The following DNM1L variants were observed in gnomAD, a reference collection of about 807,000 sequenced individuals.
DNM1L encodes dynamin-1-like protein.
In DNM1L, 33 loss-of-function variants were observed where a neutral mutation model predicts 92.8. That is an observed-to-expected ratio of 0.36 (90% CI 0.27 to 0.48). DNM1L has a LOEUF of 0.48. Ranked by LOEUF, DNM1L falls within the 20% of genes least tolerant of loss-of-function variation. DNM1L has a pLI of 0.99. For synonymous variants in DNM1L, 284 were observed against 305.0 expected, an observed-to-expected ratio of 0.93 and a Z score of 0.72; for missense variants, 485 against 888.8, an observed-to-expected ratio of 0.55 and a Z score of 5.78.
At position 32,733,792 on chromosome 12, in the gene DNM1L, G is replaced by C. The variant is rs768715602; in HGVS notation, c.1524G>C (p.Met508Ile). 5 of 1,613,584 alleles carry C rather than the reference G, an allele frequency of 3.1e-6. No individual in the cohort carries two copies. The Admixed American group carries it at 6.7e-5, about 22-fold the overall frequency. Residue 508 changes from methionine to isoleucine, a missense_variant, in exon 13 of 20, where the codon ATG becomes ATC. Met to Ile is a conservative substitution (Grantham distance 10, BLOSUM62 1). Coordinates refer to ENST00000549701, the MANE Select transcript of DNM1L (RefSeq NM_012062.5). ...HPDFADACGL[M>I]NNNIEEQRRN... ...ACTTTGCTGATGCTTGTGGGCTAAT[G>C]AACAATAATATAGAGGTAAATATAA...
intron 1 of DNM1L, among the ~76,000 whole-genome samples, chr12:32,700,885 AAC>A (rs1177177460): frequency 6.6e-6 from 1 of 152,212 alleles, no homozygotes; most frequent in Non-Finnish European, 1.5e-5. Flanking sequence ...GGAGTATCAA[AAC>A]AGGTGGGATA....
At chr12:32,693,578 G>A (rs755847282) in intron 1 of DNM1L, among the ~76,000 whole-genome samples, 37 of 148,344 alleles carry the variant, frequency 2.5e-4, no homozygotes, top group Admixed American at 3.3e-4. Flanking sequence ...TTTACAATGT[G>A]TAATTCAGTG....
At chr12:32,697,297 C>T (rs1211393497) in intron 1 of DNM1L, among the ~76,000 whole-genome samples, 1 of 152,100 alleles carries the variant, frequency 6.6e-6, no homozygotes, top group East Asian at 1.9e-4. Flanking sequence ...ATTAGCCCTT[C>T]CTGGGGAATC....
chr12:32,692,880 T>C (rs774523437), intron 1 of DNM1L: 3 of 152,156 alleles, frequency 2.0e-5, no homozygotes, highest in Non-Finnish European at 4.4e-5. Flanking sequence ...GAAATTTATT[T>C]ATATACACAC....
chr12:32,680,340 A>G (rs1473715887), intron 1 of DNM1L, among the ~76,000 whole-genome samples: 1 of 152,202 alleles, frequency 6.6e-6, no homozygotes, highest in Non-Finnish European at 1.5e-5. Flanking sequence ...AAATTAGTAT[A>G]TTGATATTAA....
At chr12:32,722,295 A>T in intron 8 of DNM1L, 132 bp from the exon 9 acceptor site, 1 of 764,326 alleles carries the variant, frequency 1.3e-6, no homozygotes, top group Non-Finnish European at 2.2e-6. Context: ...AAGACCAAAT[A>T]TATATTTCAC....
intron 5 of DNM1L, among the ~76,000 whole-genome samples, chr12:32,712,800 CAT>C (rs1953191829): frequency 2.7e-5 from 4 of 150,698 alleles, no homozygotes; most frequent in Admixed American, 2.0e-4. Flanking sequence ...ATTACTAAAA[CAT>C]AAGTTCTACG....
At chr12:32,682,225 C>T (rs748182028) in intron 1 of DNM1L, among the ~76,000 whole-genome samples, 3 of 151,994 alleles carry the variant, frequency 2.0e-5, no homozygotes, top group Non-Finnish European at 2.9e-5. Flanking sequence ...CTCTGCCTCC[C>T]GGCTTCAAGT....
chr12:32,717,120 TTATA>T lies in DNM1L; in HGVS notation c.620-1516_620-1513del, dbSNP rs202143134. 1.3e-3 allele frequency among the ~76,000 whole-genome samples: 163 copies of T among 126,004 alleles called. 1 individual carries two copies. In the Middle Eastern group the frequency reaches 0.022, roughly 17 times the overall value. 82.7% of individuals were successfully genotyped at this position (126,004 alleles called of 152,430 possible). The stretch of plus-strand genomic sequence containing the variant: ...TATATTTTATATATTTATATATATT[TTATA>T]TATATACCTATGTATATATATTTGT... On this transcript the variant is annotated intron_variant, in intron 6 of 19. Coordinates refer to ENST00000549701, the MANE Select transcript of DNM1L (RefSeq NM_012062.5).
chr12:32,717,279 T>C (rs1953451484), intron 6 of DNM1L, among the ~76,000 whole-genome samples: 1 of 101,410 alleles, frequency 9.9e-6, no homozygotes, highest in Non-Finnish European at 1.8e-5. Context: ...CTATATATTA[T>C]ATATACACTA....
At chr12:32,679,783 C>T (rs991911141) in intron 1 of DNM1L, 70 of 1,050,932 alleles carry the variant, frequency 6.7e-5, no homozygotes, top group Non-Finnish European at 7.9e-5. Flanking sequence ...TCCGCTGGGA[C>T]CGGGCGCGGC....
chr12:32,684,048 T>G (rs138449728), intron 1 of DNM1L, among the ~76,000 whole-genome samples: 22 of 152,360 alleles, frequency 1.4e-4, no homozygotes, highest in Admixed American at 1.2e-3. Context: ...GAAATATTCA[T>G]GTAACACAAA....
At chr12:32,681,978 AGT>A (rs1951823045) in intron 1 of DNM1L, among the ~76,000 whole-genome samples, 1 of 151,922 alleles carries the variant, frequency 6.6e-6, no homozygotes, top group African/African-American at 2.4e-5. Flanking sequence ...TGGGCGACAG[AGT>A]GAGACCCTGA....
chr12:32,687,313 A>G (rs1186010928), intron 1 of DNM1L, among the ~76,000 whole-genome samples: 1 of 151,694 alleles, frequency 6.6e-6, no homozygotes. Flanking sequence ...ACATCTTGGT[A>G]TGGTATGAGG....
chr12:32,716,551 T>G (rs535769649), intron 6 of DNM1L, among the ~76,000 whole-genome samples: 1 of 152,124 alleles, frequency 6.6e-6, no homozygotes, highest in East Asian at 1.9e-4. Context: ...ACTCCTGGGC[T>G]CAAGCAATCT....
intron 9 of DNM1L, chr12:32,726,524 A>G (rs530101907): frequency 9.3e-7 from 1 of 1,075,592 alleles, no homozygotes; most frequent in South Asian, 1.3e-5. Flanking sequence ...TAGCTTCTCC[A>G]GTAAACTATA....
chr12:32,736,846 A>G (rs1389293930), intron 13 of DNM1L: 1 of 438,812 alleles, frequency 2.3e-6, no homozygotes. Context: ...CTCATTTGAG[A>G]ATCCCCAGTA....
intron 1 of DNM1L, among the ~76,000 whole-genome samples, chr12:32,700,878 G>A (rs1952672772): frequency 6.6e-6 from 1 of 152,136 alleles, no homozygotes; most frequent in African/African-American, 2.4e-5. Flanking sequence ...GGTTGGTGGA[G>A]TATCAAAACA....
At position 32,737,920 on chromosome 12, in the gene DNM1L, C is replaced by T. The variant is rs1415174785; in HGVS notation, c.1652C>T (p.Ala551Val). The T allele has an allele frequency of 6.2e-7, 1 of 1,613,944 alleles. No homozygotes were observed. The highest frequency in any genetic ancestry group is 1.3e-5 in the African/African-American group (1 of 75,032). ...APASQEPSPA[A>V]SAEADGKLIQ... ...GCCTCCCAGGAGCCCTCCCCCGCTG[C>T]TTCTGCTGAGGCTGATGGCAAGGTC... The change falls in exon 15 of 20, where the codon GCT becomes GTT. Residue 551 changes from alanine (A) to valine (V), a missense_variant. Around this residue, in one of 11 missense-constraint regions of DNM1L, gnomAD observed 65 missense variants for 59.4 expected, o/e 1.09. Transcript: ENST00000549701.
Sources: gnomAD v4.1 joint callset for allele counts (sites outside exome capture counted in the v4.1 genomes callset) on GRCh38, gnomAD v4.1.1 for gene constraint, gnomAD v4.1.1 regional missense constraint, MANE v1.5 for transcripts, NCBI Gene and HGNC (gene_info 2026-07-23, HGNC 2026-07-21) for gene names.